Variants in CALN1 observed in about 807,000 individuals in gnomAD.
CALN1 encodes the protein calcium-binding protein 8.
A neutral mutation model predicts 30.6 loss-of-function variants in CALN1; 17 were observed. The ratio of observed to expected loss-of-function variants is 0.56; its 90% CI spans 0.38 to 0.83. The LOEUF is 0.83. Among genes scored for constraint, CALN1 ranks in the 40% least tolerant of loss-of-function variants. CALN1 has a pLI of 0.00. For missense variants in CALN1, 291 were observed against 354.9 expected (o/e 0.82, Z 1.45); for synonymous variants, 156 against 131.4 (o/e 1.19, Z -1.28).
intron 3 of CALN1, among the ~76,000 whole-genome samples, chr7:72,149,647 A>G (rs986561144): frequency 6.6e-6 from 1 of 151,990 alleles, no homozygotes; most frequent in African/African-American, 2.4e-5. Flanking sequence ...TCTATCCCAT[A>G]ATACTCCCAT....
chr7:71,937,424 G>A (rs200570891), intron 5 of CALN1, among the ~76,000 whole-genome samples: 1 of 91,306 alleles, frequency 1.1e-5, no homozygotes, highest in Non-Finnish European at 2.6e-5. Context: ...ATATAAATAT[G>A]TATGTATATG....
chr7:71,792,129 C>T (rs1055356466), intron 6 of CALN1, among the ~76,000 whole-genome samples: 6 of 152,176 alleles, frequency 3.9e-5, no homozygotes, highest in African/African-American at 1.4e-4. Flanking sequence ...CTAATTCATG[C>T]GTTTCCTGAT....
chr7:72,229,878 C>G (rs941934039), intron 3 of CALN1, among the ~76,000 whole-genome samples: 2 of 151,950 alleles, frequency 1.3e-5, no homozygotes, highest in Admixed American at 6.6e-5. Flanking sequence ...CACAGTGGCT[C>G]ATACCTGTAA....
chr7:71,857,408 G>T lies in CALN1; in HGVS notation c.502-46916C>A, dbSNP rs1176704423. Reference sequence around the variant, plus strand: ...TGTGAAGTGGGAATTCACCCTGTGAGTCAAAGGAGTTTAAATGGAGGGGCT... The same window carrying T: ...TGTGAAGTGGGAATTCACCCTGTGATTCAAAGGAGTTTAAATGGAGGGGCT... On this transcript the variant is annotated intron_variant, in intron 5 of 6. Coordinates refer to ENST00000395275, the MANE Select transcript of CALN1 (RefSeq NM_031468.4). Among the ~76,000 whole-genome samples, 3 of 152,308 alleles carry T rather than the reference G, an allele frequency of 2.0e-5. No homozygotes were observed. The East Asian group carries it at 5.8e-4, about 29-fold the overall frequency.
intron 2 of CALN1, among the ~76,000 whole-genome samples, chr7:72,311,578 C>T (rs967134422): frequency 6.6e-6 from 1 of 151,714 alleles, no homozygotes; most frequent in Non-Finnish European, 1.5e-5. Flanking sequence ...CTCCCCGGCT[C>T]GAGCAATCCT....
In CALN1 at chr7:71,904,162, A is replaced by G. The variant is rs538611683; in HGVS notation, c.502-93670T>C. Among the ~76,000 whole-genome samples, 12 of 152,322 alleles carry G rather than the reference A, an allele frequency of 7.9e-5. No homozygotes were observed. In the South Asian group the frequency reaches 2.5e-3, roughly 32 times the overall value. ...ATGGAGGTTCCTCAAAAAACTAAAA[A>G]TACATCTGCCCTAAGACCCAGCAAT... On this transcript the variant is annotated intron_variant, in intron 5 of 6. Transcript: ENST00000395275.
At chr7:72,028,485 T>C (rs566662754) in intron 4 of CALN1, among the ~76,000 whole-genome samples, 3 of 152,258 alleles carry the variant, frequency 2.0e-5, no homozygotes, top group Non-Finnish European at 2.9e-5. Flanking sequence ...AGCAGCTCAT[T>C]TGCTATTCCA....
intron 5 of CALN1, among the ~76,000 whole-genome samples, chr7:71,966,169 C>T (rs943884660): frequency 1.3e-5 from 2 of 152,210 alleles, no homozygotes; most frequent in Non-Finnish European, 2.9e-5. Context: ...AACAATTCAA[C>T]TCTACAGTCA....
chr7:71,807,004 A>G (rs561081018), intron 6 of CALN1, among the ~76,000 whole-genome samples: 25 of 152,332 alleles, frequency 1.6e-4, no homozygotes, highest in African/African-American at 6.0e-4. Flanking sequence ...ACAGGACGTC[A>G]GCAAGGGCAT....
At chr7:72,063,449 A>G (rs994277253) in intron 4 of CALN1, among the ~76,000 whole-genome samples, 1 of 152,202 alleles carries the variant, frequency 6.6e-6, no homozygotes, top group Non-Finnish European at 1.5e-5. Flanking sequence ...AAGATGCAAT[A>G]TATAGCAGCC....
chr7:72,387,706 GA>G (rs1805321607), intron 2 of CALN1, among the ~76,000 whole-genome samples: 1 of 152,092 alleles, frequency 6.6e-6, no homozygotes, highest in Non-Finnish European at 1.5e-5. Flanking sequence ...CAGGATCATC[GA>G]AAATAAGAAA....
intron 5 of CALN1, among the ~76,000 whole-genome samples, chr7:71,920,431 A>C (rs1389672553): frequency 1.4e-5 from 2 of 145,160 alleles, no homozygotes; most frequent in Admixed American, 7.2e-5. Context: ...TGCCTCCCAG[A>C]TTCACACCAT....
At chr7:72,103,415 G>A (rs1806839075) in intron 4 of CALN1, 1 of 152,800 alleles carries the variant, frequency 6.5e-6, no homozygotes, top group African/African-American at 2.4e-5. Context: ...CATATGAAGG[G>A]GCGTAGTACT....
intron 4 of CALN1, among the ~76,000 whole-genome samples, chr7:72,072,569 G>A (rs1742276106): frequency 6.6e-6 from 1 of 151,982 alleles, no homozygotes; most frequent in Non-Finnish European, 1.5e-5. Flanking sequence ...GCGATATGAA[G>A]AAATAAAGAT....
chr7:72,160,596 T>G (rs1378278133), intron 3 of CALN1, among the ~76,000 whole-genome samples: 8 of 152,288 alleles, frequency 5.3e-5, no homozygotes, highest in Middle Eastern at 3.4e-3. Flanking sequence ...TTTATTTTTA[T>G]GCAACACTAA....
chr7:72,251,115 T>C (rs1242357792), intron 3 of CALN1, among the ~76,000 whole-genome samples: 1 of 152,088 alleles, frequency 6.6e-6, no homozygotes, highest in Admixed American at 6.5e-5. Flanking sequence ...GCTACCTCCC[T>C]ACTACAGTCC....
At chr7:72,278,629 G>C (rs539244311) in intron 3 of CALN1, 57 bp downstream of exon 3, 3 of 1,587,630 alleles carry the variant, frequency 1.9e-6, no homozygotes, top group Non-Finnish European at 2.6e-6. Context: ...CTTCACAATA[G>C]CCAGAAACAC....
chr7:72,103,233 C>T, intron 4 of CALN1: 1 of 166,134 alleles, frequency 6.0e-6, no homozygotes, highest in Non-Finnish European at 1.3e-5. Context: ...TGGATATGCC[C>T]ACCAATCACC....
chr7:72,281,622 C>A (rs564531190), intron 2 of CALN1, among the ~76,000 whole-genome samples: 1 of 152,202 alleles, frequency 6.6e-6, no homozygotes, highest in Admixed American at 6.5e-5. Context: ...TGGAAAGACA[C>A]CTGCTCTGTT....
Sources: gnomAD v4.1 joint callset for allele counts (sites outside exome capture counted in the v4.1 genomes callset) on GRCh38, gnomAD v4.1.1 for gene constraint, MANE v1.5 for transcripts, NCBI Gene and HGNC (gene_info 2026-07-23, HGNC 2026-07-21) for gene names.